Variants in RGS7 observed in about 807,000 individuals in gnomAD.
RGS7 encodes the protein regulator of G-protein signaling 7.
Under a neutral mutation model 81.1 loss-of-function variants are expected in RGS7, and 27 were observed. The observed-to-expected ratio is 0.33, with a 90% CI of 0.25 to 0.46. RGS7 has a LOEUF of 0.46. Ranked by LOEUF, RGS7 falls within the 20% of genes least tolerant of loss-of-function variation. The pLI, the probability that RGS7 is intolerant of heterozygous loss-of-function variation, is 1.00. For missense variants in RGS7, 396 were observed against 607.4 expected, an observed-to-expected ratio of 0.65 and a Z score of 3.66; for synonymous variants, 208 against 207.7, an observed-to-expected ratio of 1.00 and a Z score of -0.01.
In RGS7 at chr1:240,816,411, A is replaced by G; in HGVS notation, c.689T>C (p.Val230Ala). The G allele has an allele frequency of 6.3e-7, 1 of 1,575,760 alleles. No homozygotes were observed. Among genetic ancestry groups the G allele is most frequent in the Non-Finnish European group, 8.7e-7 (1 of 1,145,226 alleles). Residue 230 changes from valine to alanine, a missense_variant, in exon 11 of 19, where the codon GTC becomes GCC. Val to Ala is a moderately conservative substitution (Grantham distance 64). Transcript: ENST00000440928. The part of the protein sequence containing the change: ...MRNPHKTRKS[V>A]YGLQNDIRSH... ...TCTAATATCATTTTGTAAACCATAG[A>G]CAGACTATATTAAAATAAAAAATAA...
intron 2 of RGS7, among the ~76,000 whole-genome samples, chr1:241,109,383 A>G (rs931673574): frequency 1.3e-5 from 2 of 152,056 alleles, no homozygotes; most frequent in Non-Finnish European, 2.9e-5. Flanking sequence ...GAATATGATC[A>G]TATTCTCTGT....
chr1:240,803,876 A>G (rs1688407834), intron 15 of RGS7, among the ~76,000 whole-genome samples: 1 of 151,718 alleles, frequency 6.6e-6, no homozygotes, highest in African/African-American at 2.4e-5. Flanking sequence ...TTTCTTGAAG[A>G]AAATAGATGT....
intron 4 of RGS7, among the ~76,000 whole-genome samples, chr1:240,955,579 A>C (rs1680271192): frequency 1.5e-5 from 1 of 67,780 alleles, no homozygotes. Flanking sequence ...AAAAAAAAAA[A>C]AAAACCGATT....
intron 3 of RGS7, among the ~76,000 whole-genome samples, chr1:240,988,927 A>C (rs977969498): frequency 6.6e-6 from 1 of 152,200 alleles, no homozygotes; most frequent in Non-Finnish European, 1.5e-5. Context: ...AATTTCTTAG[A>C]AGAACATTAA....
intron 6 of RGS7, among the ~76,000 whole-genome samples, chr1:240,872,398 G>T (rs576017942): frequency 1.3e-5 from 2 of 152,202 alleles, no homozygotes; most frequent in South Asian, 4.1e-4. Flanking sequence ...GTTTGAGGCT[G>T]CAGTGAGCTA....
rs261859 is a variant in RGS7 at position 240,933,140 on chromosome 1, A to T, written c.334-2372T>A. On this transcript the variant is annotated intron_variant, in intron 5 of 18. Coordinates refer to ENST00000440928, the MANE Select transcript of RGS7 (RefSeq NM_001364886.1). ...CTCGTGATCTGCCCCCCTCGGCCCC[A>T]CAAAGTGCTGGGATTACAGGTGTGA... 4.6e-4 allele frequency among the ~76,000 whole-genome samples: 70 copies of T among 151,380 alleles called. 3 individuals carry two copies. The highest frequency in any genetic ancestry group is 8.4e-4 in the Non-Finnish European group (57 of 67,774).
intron 3 of RGS7, among the ~76,000 whole-genome samples, chr1:241,090,297 G>A (rs745410424): frequency 6.6e-6 from 1 of 152,102 alleles, no homozygotes; most frequent in Non-Finnish European, 1.5e-5. Context: ...CAACAGATAT[G>A]AGAAGAGGGG....
chr1:241,348,950 C>T (rs1398988994), intron 2 of RGS7, among the ~76,000 whole-genome samples: 1 of 151,948 alleles, frequency 6.6e-6, no homozygotes, highest in Non-Finnish European at 1.5e-5. Context: ...ATAGGGTACC[C>T]CACCTGGCAT....
chr1:241,022,297 G>A (rs752856544), intron 3 of RGS7, among the ~76,000 whole-genome samples: 9 of 152,140 alleles, frequency 5.9e-5, no homozygotes, highest in Non-Finnish European at 1.2e-4. Flanking sequence ...TGGGTGTAGA[G>A]TGAACTAACT....
intron 6 of RGS7, among the ~76,000 whole-genome samples, chr1:240,898,375 A>G (rs1669438406): frequency 6.6e-6 from 1 of 152,034 alleles, no homozygotes; most frequent in Admixed American, 6.5e-5. Context: ...TTGTGATGTT[A>G]CGGTGTCAAT....
chr1:241,083,031 C>T (rs1040427401), intron 3 of RGS7, among the ~76,000 whole-genome samples: 2 of 151,886 alleles, frequency 1.3e-5, no homozygotes, highest in African/African-American at 4.8e-5. Flanking sequence ...TCAAGACCAG[C>T]CTGGCCAACA....
At chr1:241,311,699 T>A (rs541729959) in intron 2 of RGS7, among the ~76,000 whole-genome samples, 2 of 152,314 alleles carry the variant, frequency 1.3e-5, no homozygotes, top group South Asian at 4.2e-4. Flanking sequence ...AAACTATGCA[T>A]AAACAATCAC....
chr1:241,300,475 T>C (rs2079685858), intron 2 of RGS7, among the ~76,000 whole-genome samples: 1 of 152,196 alleles, frequency 6.6e-6, no homozygotes, highest in Admixed American at 6.5e-5. Flanking sequence ...ACCATCTCCA[T>C]AGTTTTGCCT....
chr1:241,164,866 GC>G lies in RGS7; in HGVS notation c.79-66105del, dbSNP rs1181520929. 1.3e-5 allele frequency among the ~76,000 whole-genome samples: 2 copies of G among 152,146 alleles called. No homozygotes were observed. The highest frequency in any genetic ancestry group is 4.8e-5 in the African/African-American group (2 of 41,422). On this transcript the variant is annotated intron_variant, in intron 2 of 18. Coordinates refer to ENST00000440928, the MANE Select transcript of RGS7 (RefSeq NM_001364886.1). The surrounding 1 kb of genome is among the most constrained non-coding windows in gnomAD (Gnocchi z 4.1). ...AATTTAGGGAACTATTCTCAGAATT[GC>G]CCATAGGTCTTATATAATCTGAACA...
At chr1:241,033,322 G>A (rs922388327) in intron 3 of RGS7, among the ~76,000 whole-genome samples, 13 of 152,162 alleles carry the variant, frequency 8.5e-5, no homozygotes, top group African/African-American at 3.1e-4. Context: ...CTGCACTCCA[G>A]CCTGGGTGAC....
rs200105191 is a variant in RGS7, at chr1:241,083,942, A to AC, written c.175+14723dup. 7.8e-3 allele frequency among the ~76,000 whole-genome samples: 1,175 copies of AC among 150,176 alleles called. 13 individuals carry two copies. Among genetic ancestry groups the AC allele is most frequent in the African/African-American group, 0.027 (1,104 of 41,100 alleles). On this transcript the variant is annotated intron_variant, in intron 3 of 18. Transcript: ENST00000440928. ...GGAGTCTCAGAAGCATCTTAGAACCACCTAGGCGGTCTTATAGGCGTCACA... is the reference window on the plus strand; with the variant it reads ...GGAGTCTCAGAAGCATCTTAGAACCACCCTAGGCGGTCTTATAGGCGTCACA...
chr1:240,966,077 C>T (rs1418782009), intron 4 of RGS7, among the ~76,000 whole-genome samples: 1 of 152,090 alleles, frequency 6.6e-6, no homozygotes, highest in South Asian at 2.1e-4. Flanking sequence ...GTGATGCAAC[C>T]ACCTACCATC....
chr1:241,238,569 T>C (rs992504585), intron 2 of RGS7, among the ~76,000 whole-genome samples: 2 of 152,148 alleles, frequency 1.3e-5, no homozygotes, highest in Admixed American at 6.5e-5. Context: ...AGTTTCACTC[T>C]GTCACCCAGG....
intron 2 of RGS7, among the ~76,000 whole-genome samples, chr1:241,305,375 C>T (rs545540934): frequency 6.6e-5 from 10 of 152,152 alleles, no homozygotes; most frequent in East Asian, 3.9e-4. Context: ...CAGGCATCAG[C>T]GACGCCACTG....
Sources: allele counts gnomAD v4.1 joint callset (sites outside exome capture counted in the v4.1 genomes callset), GRCh38; gene constraint gnomAD v4.1.1; non-coding constraint Gnocchi (gnomAD v3.1); transcripts MANE v1.5; gene names NCBI Gene and HGNC (gene_info 2026-07-23, HGNC 2026-07-21).